The following MCM9 variants were observed in gnomAD, a reference collection of about 807,000 sequenced individuals.
MCM9 encodes DNA helicase MCM9.
Under a neutral mutation model 72.8 loss-of-function variants are expected in MCM9, and 55 were observed. That is an observed-to-expected ratio of 0.76 (90% CI 0.61 to 0.95). The LOEUF is 0.95. MCM9 is among the 40% of genes least tolerant of loss of function. The pLI is 0.00. For synonymous variants in MCM9, 480 were observed against 503.4 expected, an observed-to-expected ratio of 0.95 and a Z score of 0.62; for missense variants, 1,279 against 1,377.0, an observed-to-expected ratio of 0.93 and a Z score of 1.13.
Position 118,894,455 on chromosome 6 carries a change from C to T in MCM9, c.1150+17195G>A. ...TGAACAATGTAGTGGTGCTGGATAA[C>T]CCTTCTCCTTTCTACAACCCGTTCC... On this transcript the variant is annotated intron_variant, in intron 8 of 13. Coordinates refer to ENST00000619706, the MANE Select transcript of MCM9 (RefSeq NM_017696.3). The T allele has an allele frequency of 4.6e-6, 7 of 1,537,162 alleles. No individual in the cohort carries two copies. The South Asian group carries it at 8.3e-5, about 18-fold the overall frequency.
intron 3 of MCM9, among the ~76,000 whole-genome samples, chr6:118,930,863 G>C (rs6918844): frequency 6.6e-6 from 1 of 151,902 alleles, no homozygotes; most frequent in Non-Finnish European, 1.5e-5. Flanking sequence ...GAGGGGCAAG[G>C]ACTCCTAGAG....
chr6:118,816,735 T>C (rs1384534505), intron 13 of MCM9, among the ~76,000 whole-genome samples: 1 of 152,226 alleles, frequency 6.6e-6, no homozygotes, highest in Non-Finnish European at 1.5e-5. Context: ...GTAGTCAGTT[T>C]GCAGATCAAG....
intron 8 of MCM9, among the ~76,000 whole-genome samples, chr6:118,888,967 T>C (rs902356194): frequency 1.2e-4 from 18 of 152,118 alleles, no homozygotes; most frequent in African/African-American, 4.1e-4. Context: ...AAGCTTCTTT[T>C]TGAGATCATG....
intron 2 of MCM9, 68 bp from the exon 3 acceptor site, chr6:118,931,806 C>T (rs1782461529): frequency 1.4e-5 from 17 of 1,227,436 alleles, no homozygotes; most frequent in South Asian, 3.2e-5. Flanking sequence ...TTAACAAAAA[C>T]GATTGGTTAT....
intron 13 of MCM9, among the ~76,000 whole-genome samples, chr6:118,820,146 T>C (rs1191226366): frequency 1.3e-5 from 2 of 152,152 alleles, no homozygotes; most frequent in Admixed American, 6.5e-5. Flanking sequence ...ATCTTAGTTA[T>C]TTCTTGTCTT....
Position 118,932,694 on chromosome 6 carries a change from CTTTCTCT to C in MCM9, c.-110_-104del. 1.2e-6 allele frequency: 1 copy of C among 805,054 alleles called. No individual in the cohort carries two copies. Among genetic ancestry groups the C allele is most frequent in the South Asian group, 5.7e-5 (1 of 17,650 alleles). 49.9% of individuals were successfully genotyped at this position (805,054 alleles called of 1,614,324 possible). A position where few individuals can be genotyped will look rare whatever the true frequency, so the allele number is the denominator to read the frequency against. On this transcript the variant is annotated 5_prime_UTR_variant, in exon 2 of 14. Coordinates refer to ENST00000619706, the MANE Select transcript of MCM9 (RefSeq NM_017696.3). ...TACTTGGAAGTGAATTTGTTTCCTT[CTTTCTCT>C]TTCTTACCGTAGGAAATCTACTGGG...
chr6:118,869,071 ATAC>A (rs1394703992), intron 8 of MCM9, among the ~76,000 whole-genome samples: 1 of 152,226 alleles, frequency 6.6e-6, no homozygotes, highest in Non-Finnish European at 1.5e-5. Flanking sequence ...ACACCATGGA[ATAC>A]TATGCAGCCA....
rs533291938 is a variant in MCM9 at position 118,910,227 on chromosome 6, A to T, written c.1150+1423T>A. Among the ~76,000 whole-genome samples, 5 of 150,512 alleles carry T rather than the reference A, an allele frequency of 3.3e-5. No individual in the cohort carries two copies. The East Asian group carries it at 7.8e-4, about 23-fold the overall frequency. ...CTATGCAGTATTTTGGTTTTTTTTT[A>T]ATTGTATTTTACTTTGAAAGTGCTG... is the stretch of plus-strand genomic sequence containing the variant. On this transcript the variant is annotated intron_variant, in intron 8 of 13. Transcript: ENST00000619706.
At chr6:118,856,786 C>T (rs955059505) in intron 8 of MCM9, among the ~76,000 whole-genome samples, 2 of 151,968 alleles carry the variant, frequency 1.3e-5, no homozygotes, top group African/African-American at 2.4e-5. Context: ...AAGGCTGAGG[C>T]GGGAGGATCG....
rs1378043575 is a variant in MCM9, at chr6:118,843,657, T to TATATACAC, written c.1325+12713_1325+12714insGTGTATAT. 8.5e-3 allele frequency among the ~76,000 whole-genome samples: 286 copies of TATATACAC among 33,698 alleles called. 24 individuals carry two copies. The highest frequency in any genetic ancestry group is 0.012 in the Non-Finnish European group (200 of 16,668). 22.1% of individuals were successfully genotyped at this position (33,698 alleles called of 152,430 possible). On this transcript the variant is annotated intron_variant, in intron 9 of 13. Transcript: ENST00000619706. Reference sequence around the variant, plus strand: ...AAAACAAAACATATATATATATATGTGTATATATATATGTATGTATATATA... The same window carrying TATATACAC: ...AAAACAAAACATATATATATATATGTATATACACGTATATATATATGTATGTATATATA...
rs567797505 is a variant in MCM9 at position 118,849,969 on chromosome 6, C to A, written c.1325+6402G>T. 9.2e-5 allele frequency among the ~76,000 whole-genome samples: 14 copies of A among 151,844 alleles called. 1 individual carries two copies. The highest frequency in any genetic ancestry group is 3.4e-4 in the African/African-American group (14 of 41,214). On this transcript the variant is annotated intron_variant, in intron 9 of 13. Coordinates refer to ENST00000619706, the MANE Select transcript of MCM9 (RefSeq NM_017696.3). ...AAACAGAATGGAAAGGGTAGGGATACGAATGTGATTTCTTTTGCATGTCTT... is the reference window on the plus strand; with the variant it reads ...AAACAGAATGGAAAGGGTAGGGATAAGAATGTGATTTCTTTTGCATGTCTT...
chr6:118,843,720 G>GTATATATATA (rs375762540), intron 9 of MCM9, among the ~76,000 whole-genome samples: 5 of 101,994 alleles, frequency 4.9e-5, no homozygotes, highest in Middle Eastern at 4.6e-3. Flanking sequence ...ATATATATAT[G>GTATATATATA]TATATATATA....
intron 13 of MCM9, among the ~76,000 whole-genome samples, chr6:118,819,150 T>C (rs912888242): frequency 1.3e-5 from 2 of 152,150 alleles, no homozygotes; most frequent in Non-Finnish European, 2.9e-5. Flanking sequence ...GAACTTCCAA[T>C]ACTATGTTGA....
rs151149424 is a variant in MCM9, at chr6:118,856,424, C to T, written c.1272G>A (p.Arg424=). ...DEFNSLKEHD[R]TSIHEAMEQQ... ...GCTCCATTGCTTCATGGATACTGGT[C>T]CTATCATGCTCTTTGAGGCTATTGA... The change falls in exon 9 of 14, where the codon AGG becomes AGA. Residue 424 remains arginine, a synonymous_variant. Transcript: ENST00000619706. The T allele has an allele frequency of 6.9e-3, 10,554 of 1,535,628 alleles. 54 individuals are homozygous for T. Among genetic ancestry groups the T allele is most frequent in the Non-Finnish European group, 8.3e-3 (9,500 of 1,146,884 alleles).
intron 8 of MCM9, among the ~76,000 whole-genome samples, chr6:118,860,151 C>T (rs532170948): frequency 2.0e-5 from 3 of 152,134 alleles, no homozygotes; most frequent in South Asian, 2.1e-4. Flanking sequence ...GCATCAAAAT[C>T]GGATCTAGAT....
intron 4 of MCM9, among the ~76,000 whole-genome samples, chr6:118,922,429 G>C (rs116707079): frequency 6.6e-6 from 1 of 152,000 alleles, no homozygotes; most frequent in Admixed American, 6.6e-5. Flanking sequence ...AAAAGACCTG[G>C]GACAAATCAC....
At chr6:118,858,969 G>C (rs557383912) in intron 8 of MCM9, among the ~76,000 whole-genome samples, 17 of 152,202 alleles carry the variant, frequency 1.1e-4, no homozygotes, top group African/African-American at 4.1e-4. Context: ...AAAGGAGATA[G>C]AAGAGCCAAA....
In MCM9 at chr6:118,923,797, A is replaced by C; in HGVS notation, c.621+14T>G. On this transcript the variant is annotated intron_variant, in intron 4 of 13. Coordinates refer to ENST00000619706, the MANE Select transcript of MCM9 (RefSeq NM_017696.3). ...TTCTTCAAATTTATTTATCTCGTTT[A>C]TGTGATTATTTACCTGTTCCTGAAT... is the stretch of plus-strand genomic sequence containing the variant. 6.2e-7 allele frequency: 1 copy of C among 1,607,076 alleles called. No homozygotes were observed. Among genetic ancestry groups the C allele is most frequent in the Non-Finnish European group, 8.5e-7 (1 of 1,174,362 alleles).
rs1394175128 is a variant in MCM9, at chr6:118,814,609, C to T, written c.*215G>A. 5.0e-6 allele frequency: 2 copies of T among 401,008 alleles called. No individual in the cohort carries two copies. Among genetic ancestry groups the T allele is most frequent in the East Asian group, 7.3e-5 (2 of 27,518 alleles). The allele number at this position is 401,008 out of a possible 1,614,324, so 24.8% of individuals were successfully genotyped here. ...ATTAAGCACAACATAATTAATTCAG[C>T]TCAGCTGCTGGTATCACACTGACCT... On this transcript the variant is annotated 3_prime_UTR_variant, in exon 14 of 14. Coordinates refer to ENST00000619706, the MANE Select transcript of MCM9 (RefSeq NM_017696.3).
Sources: gnomAD v4.1 joint callset for allele counts (sites outside exome capture counted in the v4.1 genomes callset) on GRCh38, gnomAD v4.1.1 for gene constraint, MANE v1.5 for transcripts, NCBI Gene and HGNC (gene_info 2026-07-23, HGNC 2026-07-21) for gene names.